MNAT1: variants seen among roughly 807,000 people sequenced by gnomAD.
The protein encoded by MNAT1 is MNAT1 component of CDK activating kinase.
In MNAT1, 43 loss-of-function variants were observed where a neutral mutation model predicts 42.0. The ratio of observed to expected loss-of-function variants is 1.02; its 90% CI spans 0.80 to 1.32. The LOEUF (loss-of-function observed/expected upper bound fraction) is 1.32, where lower values mean the gene tolerates loss of function less well. MNAT1 is among the 40% of genes most tolerant of loss of function. The pLI, the probability that MNAT1 is intolerant of heterozygous loss-of-function variation, is 0.00. For missense variants in MNAT1, 306 were observed against 350.4 expected (o/e 0.87, Z 1.01); for synonymous variants, 118 against 120.0 (o/e 0.98, Z 0.11).
chr14:60,747,972 G>A (rs1040386129), intron 1 of MNAT1, among the ~76,000 whole-genome samples: 86 of 152,124 alleles, frequency 5.7e-4, no homozygotes, highest in African/African-American at 2.0e-3. Flanking sequence ...CGAGGTCGGC[G>A]GATCATGAGG....
intron 1 of MNAT1, among the ~76,000 whole-genome samples, chr14:60,778,698 G>T (rs541059815): frequency 6.6e-6 from 1 of 152,236 alleles, no homozygotes; most frequent in East Asian, 1.9e-4. Flanking sequence ...AACTCATACT[G>T]CTCCACCTAT....
At chr14:60,915,090 C>A (rs1248550794) in intron 7 of MNAT1, among the ~76,000 whole-genome samples, 1 of 152,168 alleles carries the variant, frequency 6.6e-6, no homozygotes, top group Non-Finnish European at 1.5e-5. Context: ...ATTTTTAATG[C>A]AGATTGCTGT....
rs373998263 is a variant in MNAT1, at chr14:60,869,041, T to TATATATATATA, written c.688-10673_688-10672insATATATATATA. On this transcript the variant is annotated intron_variant, in intron 6 of 7. Transcript: ENST00000261245. ...TTTTATACATATATATATATATATA[T>TATATATATATA]TTTTTTTTTTTTTTTTGAGACGGAG... Among the ~76,000 whole-genome samples the TATATATATATA allele has an allele frequency of 2.2e-3, 207 of 92,702 alleles. 2 individuals are homozygous for TATATATATATA. The South Asian group carries it at 0.028, about 12-fold the overall frequency. The allele number at this position is 92,702 out of a possible 152,430, so 60.8% of individuals were successfully genotyped here. A position where few individuals can be genotyped will look rare whatever the true frequency, so the allele number is the denominator to read the frequency against.
rs940892758 is a variant in MNAT1 at position 60,748,780 on chromosome 14, CT to C, written c.89+13839del. 4.6e-3 allele frequency among the ~76,000 whole-genome samples: 686 copies of C among 149,532 alleles called. 9 individuals carry two copies. The highest frequency in any genetic ancestry group is 0.015 in the African/African-American group (608 of 40,862). ...TCTGCTGAGGCTGTTTCACAATGAA[CT>C]TTTTTTTTTATTAGTAGAAGGAGTA... On this transcript the variant is annotated intron_variant, in intron 1 of 7. Transcript: ENST00000261245.
At chr14:60,747,962 C>T (rs912746296) in intron 1 of MNAT1, among the ~76,000 whole-genome samples, 9 of 152,000 alleles carry the variant, frequency 5.9e-5, no homozygotes, top group Admixed American at 3.9e-4. Flanking sequence ...TATGGGAGGC[C>T]GAGGTCGGCG....
intron 6 of MNAT1, among the ~76,000 whole-genome samples, chr14:60,839,632 A>T (rs2033490049): frequency 6.6e-6 from 1 of 152,210 alleles, no homozygotes; most frequent in Non-Finnish European, 1.5e-5. Flanking sequence ...ACCCAGACCT[A>T]GGAGCTCCCA....
intron 1 of MNAT1, among the ~76,000 whole-genome samples, chr14:60,771,423 A>G (rs1030217833): frequency 3.3e-5 from 5 of 152,132 alleles, no homozygotes; most frequent in Non-Finnish European, 7.4e-5. Context: ...AATTTATGGT[A>G]GTGGCTCATA....
chr14:60,911,757 G>T (rs1352019092), intron 7 of MNAT1, among the ~76,000 whole-genome samples: 2 of 152,108 alleles, frequency 1.3e-5, no homozygotes, highest in African/African-American at 2.4e-5. Context: ...GGTCAGTTTT[G>T]GAATAGGTGT....
intron 6 of MNAT1, among the ~76,000 whole-genome samples, chr14:60,878,706 C>G (rs182500665): frequency 6.6e-6 from 1 of 152,226 alleles, no homozygotes; most frequent in Admixed American, 6.6e-5. Context: ...AACCAGTCCA[C>G]TTTTGCTTTG....
chr14:60,820,801 T>A (rs1227366877), intron 6 of MNAT1, among the ~76,000 whole-genome samples: 1 of 152,148 alleles, frequency 6.6e-6, no homozygotes, highest in East Asian at 1.9e-4. Flanking sequence ...ATAAACAATA[T>A]TAAACAAATC....
chr14:60,778,675 A>G (rs147151348), intron 1 of MNAT1, among the ~76,000 whole-genome samples: 1 of 152,288 alleles, frequency 6.6e-6, no homozygotes, highest in East Asian at 1.9e-4. Context: ...AAGTTCATGA[A>G]TCCACTGGTC....
rs138575597 is a variant in MNAT1 at position 60,943,003 on chromosome 14, AGTGTGTGTGTGTGTGTGTGTGTGTGT to A, written c.810-25204_810-25179del. 5.2e-4 allele frequency among the ~76,000 whole-genome samples: 41 copies of A among 78,476 alleles called. 1 individual carries two copies. Among genetic ancestry groups the A allele is most frequent in the African/African-American group, 2.0e-3 (39 of 19,710 alleles). 51.5% of individuals were successfully genotyped at this position (78,476 alleles called of 152,430 possible). A position where few individuals can be genotyped will look rare whatever the true frequency, so the allele number is the denominator to read the frequency against. On this transcript the variant is annotated intron_variant, in intron 7 of 7. Coordinates refer to ENST00000261245, the MANE Select transcript of MNAT1 (RefSeq NM_002431.4). ...TATTAATTGAATTAGAACCACATGT[AGTGTGTGTGTGTGTGTGTGTGTGTGT>A]GTGTGTGTGTGTGTGTGTGTGCGCT...
chr14:60,824,048 T>C (rs1411471258), intron 6 of MNAT1, among the ~76,000 whole-genome samples: 1 of 151,774 alleles, frequency 6.6e-6, no homozygotes, highest in East Asian at 1.9e-4. Context: ...TTCCAGCTAT[T>C]TGGGAGGCTG....
At chr14:60,885,261 C>T (rs2034639263) in intron 7 of MNAT1, among the ~76,000 whole-genome samples, 1 of 151,690 alleles carries the variant, frequency 6.6e-6, no homozygotes, top group Admixed American at 6.6e-5. Context: ...TGTTATTCTC[C>T]TTATGAATAA....
At chr14:60,813,418 G>T (rs2032616845) in intron 5 of MNAT1, among the ~76,000 whole-genome samples, 1 of 152,316 alleles carries the variant, frequency 6.6e-6, no homozygotes, top group Non-Finnish European at 1.5e-5. Context: ...ATCAGAAACT[G>T]CATCAATTTC....
At chr14:60,939,157 A>G (rs369258104) in intron 7 of MNAT1, among the ~76,000 whole-genome samples, 2 of 151,814 alleles carry the variant, frequency 1.3e-5, no homozygotes, top group African/African-American at 4.8e-5. Flanking sequence ...CGGTCTATCA[A>G]TTTTGTTGAT....
Position 60,868,702 on chromosome 14 carries a change from G to A in MNAT1, c.688-11012G>A, listed in dbSNP as rs1169883214. 2.0e-5 allele frequency among the ~76,000 whole-genome samples: 3 copies of A among 152,110 alleles called. No homozygotes were observed. In the East Asian group the frequency reaches 5.8e-4, roughly 29 times the overall value. On this transcript the variant is annotated intron_variant, in intron 6 of 7. Coordinates refer to ENST00000261245, the MANE Select transcript of MNAT1 (RefSeq NM_002431.4). ...GTATGAATGGATGATGAATGCCACA[G>A]AGTAAGCACAATGTTTTGTTATTTG...
intron 7 of MNAT1, among the ~76,000 whole-genome samples, chr14:60,920,896 A>T (rs960142707): frequency 6.6e-6 from 1 of 152,208 alleles, no homozygotes; most frequent in Non-Finnish European, 1.5e-5. Flanking sequence ...AGACATGTAT[A>T]GCTTGGTGAC....
intron 6 of MNAT1, among the ~76,000 whole-genome samples, chr14:60,842,883 A>G (rs1292424114): frequency 6.6e-6 from 1 of 152,226 alleles, no homozygotes; most frequent in Non-Finnish European, 1.5e-5. Context: ...CAGCATCATG[A>G]GAGAGCATCC....
Sources: gnomAD v4.1 joint callset for allele counts (sites outside exome capture counted in the v4.1 genomes callset) on GRCh38, gnomAD v4.1.1 for gene constraint, MANE v1.5 for transcripts, NCBI Gene and HGNC (gene_info 2026-07-23, HGNC 2026-07-21) for gene names.